BACH2: variants seen among roughly 807,000 people sequenced by gnomAD.
The protein encoded by BACH2 is BACH transcriptional regulator 2, also known as transcription regulator protein BACH2.
Under a neutral mutation model 61.8 loss-of-function variants are expected in BACH2, and 5 were observed. The observed-to-expected ratio is 0.08, with a 90% CI of 0.04 to 0.17. The LOEUF (loss-of-function observed/expected upper bound fraction) is 0.17. BACH2 is among the 10% of genes least tolerant of loss of function. The pLI is 1.00. For synonymous variants in BACH2, 446 were observed against 440.1 expected (o/e 1.01, Z -0.17); for missense variants, 824 against 1,091.1 (o/e 0.76, Z 3.45).
At chr6:90,249,322 C>A (rs1238703571) in intron 3 of BACH2, among the ~76,000 whole-genome samples, 1 of 152,192 alleles carries the variant, frequency 6.6e-6, no homozygotes, top group Non-Finnish European at 1.5e-5. Context: ...ATGTAGCTTC[C>A]TGTCATCTTC....
At chr6:90,063,121 A>G (rs1400140361) in intron 5 of BACH2, among the ~76,000 whole-genome samples, 3 of 152,198 alleles carry the variant, frequency 2.0e-5, no homozygotes, top group Non-Finnish European at 4.4e-5. Context: ...TATACCAATA[A>G]AATGTTTTGT....
intron 4 of BACH2, among the ~76,000 whole-genome samples, chr6:90,114,166 A>G (rs1325091156): frequency 1.3e-5 from 2 of 152,154 alleles, no homozygotes; most frequent in African/African-American, 2.4e-5. Flanking sequence ...AACTCACTCT[A>G]TGAGTCCAGC....
In BACH2 at chr6:90,083,585, A is replaced by G. The variant is rs796906464; in HGVS notation, c.-13+5376T>C. 7.9e-5 allele frequency among the ~76,000 whole-genome samples: 12 copies of G among 152,322 alleles called. 1 individual carries two copies. Among genetic ancestry groups the G allele is most frequent in the African/African-American group, 2.9e-4 (12 of 41,582 alleles). ...TGGTTCCCAATGACTATAGGAGCTA[A>G]ATACATAGGTTCATAAAATGATTTC... On this transcript the variant is annotated intron_variant, in intron 5 of 8. Transcript: ENST00000257749.
intron 2 of BACH2, among the ~76,000 whole-genome samples, chr6:90,271,402 GAAAAGAAAAA>G (rs1374782463): frequency 7.0e-6 from 1 of 143,444 alleles, no homozygotes; most frequent in Non-Finnish European, 1.5e-5. Flanking sequence ...AAAAAGAAAG[GAAAAGAAAAA>G]AAAAGAAAAG....
intron 2 of BACH2, among the ~76,000 whole-genome samples, chr6:90,255,196 GT>G (rs1770938308): frequency 6.6e-6 from 1 of 152,148 alleles, no homozygotes; most frequent in Non-Finnish European, 1.5e-5. Flanking sequence ...CATTCCTCAT[GT>G]GATCTGTGGC....
intron 4 of BACH2, among the ~76,000 whole-genome samples, chr6:90,178,378 C>A (rs1164901008): frequency 1.3e-5 from 2 of 152,072 alleles, no homozygotes; most frequent in Non-Finnish European, 1.5e-5. Flanking sequence ...CAGCTGTTCC[C>A]ACTAGAAACA....
rs548753409 is a variant in BACH2 at position 90,202,772 on chromosome 6, C to A, written c.-162+3797G>T. Among the ~76,000 whole-genome samples the A allele has an allele frequency of 8.5e-5, 13 of 152,182 alleles. No homozygotes were observed. In the East Asian group the frequency reaches 2.5e-3, roughly 29 times the overall value. On this transcript the variant is annotated intron_variant, in intron 4 of 8. Coordinates refer to ENST00000257749, the MANE Select transcript of BACH2 (RefSeq NM_021813.4). ...AGGGAGAAGAGTAAAGGATCATAATCCCAAAGTTGCTACTAAGAAGGAAAG... is the reference window on the plus strand; with the variant it reads ...AGGGAGAAGAGTAAAGGATCATAATACCAAAGTTGCTACTAAGAAGGAAAG...
intron 4 of BACH2, among the ~76,000 whole-genome samples, chr6:90,108,053 T>C (rs946698280): frequency 7.2e-5 from 11 of 152,234 alleles, no homozygotes; most frequent in Non-Finnish European, 1.0e-4. Flanking sequence ...TGTTAAATGA[T>C]GAAACAGATT....
At chr6:90,039,758 C>A (rs1292689832) in intron 5 of BACH2, among the ~76,000 whole-genome samples, 1 of 152,102 alleles carries the variant, frequency 6.6e-6, no homozygotes, top group South Asian at 2.1e-4. Context: ...AACAAAAAAC[C>A]CCTGCCTGTT....
chr6:90,215,391 C>T (rs529067667), intron 3 of BACH2, among the ~76,000 whole-genome samples: 1 of 152,260 alleles, frequency 6.6e-6, no homozygotes, highest in Admixed American at 6.5e-5. Flanking sequence ...TGAGTATAGA[C>T]ACCATAGCCC....
Position 89,942,045 on chromosome 6 carries a change from T to C in BACH2, c.1837-3695A>G, listed in dbSNP as rs534076020. On this transcript the variant is annotated intron_variant, in intron 7 of 8. Coordinates refer to ENST00000257749, the MANE Select transcript of BACH2 (RefSeq NM_021813.4). ...TTTTAAAGAGGGTCAGAGGAAAAGG[T>C]AATGGGTCAACTATAGACTTTCTCC... 9.2e-5 allele frequency among the ~76,000 whole-genome samples: 9 copies of C among 98,084 alleles called. No individual in the cohort carries two copies. In the East Asian group the frequency reaches 8.8e-3, roughly 96 times the overall value. The allele number at this position is 98,084 out of a possible 152,430, so 64.3% of individuals were successfully genotyped here.
intron 1 of BACH2, among the ~76,000 whole-genome samples, chr6:90,286,556 G>T (rs1181893719): frequency 2.0e-5 from 3 of 152,144 alleles, no homozygotes; most frequent in Non-Finnish European, 4.4e-5. Context: ...AAAAGAAAAT[G>T]ATACTACAAT....
intron 4 of BACH2, among the ~76,000 whole-genome samples, chr6:90,115,495 T>C (rs1367619283): frequency 1.3e-5 from 2 of 152,080 alleles, no homozygotes; most frequent in African/African-American, 4.8e-5. Flanking sequence ...GGACCCCTTT[T>C]TTACACCACG....
chr6:90,296,583 C>A lies in BACH2; in HGVS notation c.-549G>T, dbSNP rs2127898275. On this transcript the variant is annotated 5_prime_UTR_variant, in exon 1 of 9. Transcript: ENST00000257749. ...GCGAGGTGGGCAGTTCGTGGGTCACCGAAAGCTCGCGGAGGGGACGCGCAT... is the reference window on the plus strand; with the variant it reads ...GCGAGGTGGGCAGTTCGTGGGTCACAGAAAGCTCGCGGAGGGGACGCGCAT... 6.6e-6 allele frequency: 1 copy of A among 151,872 alleles called. No individual in the cohort carries two copies. The highest frequency in any genetic ancestry group is 2.4e-5 in the African/African-American group (1 of 41,484). 9.4% of individuals were successfully genotyped at this position (151,872 alleles called of 1,614,324 possible). A position where few individuals can be genotyped will look rare whatever the true frequency, so the allele number is the denominator to read the frequency against.
At chr6:89,994,057 A>C (rs1281314560) in intron 6 of BACH2, among the ~76,000 whole-genome samples, 1 of 152,192 alleles carries the variant, frequency 6.6e-6, no homozygotes, top group African/African-American at 2.4e-5. Context: ...CATTATGCTT[A>C]TTGAGTGACT....
chr6:90,219,496 T>C (rs568222010), intron 3 of BACH2, among the ~76,000 whole-genome samples: 114 of 152,318 alleles, frequency 7.5e-4, no homozygotes, highest in African/African-American at 2.6e-3. Context: ...CCAGCTCCTT[T>C]GGTTCCTTCT....
At chr6:90,193,227 G>C (rs150476089) in intron 4 of BACH2, among the ~76,000 whole-genome samples, 1 of 152,316 alleles carries the variant, frequency 6.6e-6, no homozygotes, top group East Asian at 1.9e-4. Context: ...CTAACCCCCA[G>C]TACCTCAGAA....
At chr6:90,288,224 A>C (rs2127890905) in intron 1 of BACH2, among the ~76,000 whole-genome samples, 1 of 152,242 alleles carries the variant, frequency 6.6e-6, no homozygotes, top group South Asian at 2.1e-4. Context: ...GATATTCTAC[A>C]AATCAATGCA....
intron 6 of BACH2, among the ~76,000 whole-genome samples, chr6:89,984,162 G>A (rs1185058606): frequency 6.6e-6 from 1 of 152,120 alleles, no homozygotes; most frequent in Non-Finnish European, 1.5e-5. Flanking sequence ...GTAACAGAAA[G>A]CGGGGTTATT....
Sources: gnomAD v4.1 joint callset for allele counts (sites outside exome capture counted in the v4.1 genomes callset) on GRCh38, gnomAD v4.1.1 for gene constraint, MANE v1.5 for transcripts, NCBI Gene and HGNC (gene_info 2026-07-23, HGNC 2026-07-21) for gene names.